LRRC4C: variants seen among roughly 807,000 people sequenced by gnomAD.
LRRC4C encodes the protein leucine rich repeat containing 4C.
LRRC4C carries 5 observed loss-of-function variants against 33.6 expected under a neutral mutation model. The observed-to-expected ratio is 0.15, with a 90% CI of 0.08 to 0.31. The LOEUF is 0.31. Among genes scored for constraint, LRRC4C ranks in the 10% least tolerant of loss-of-function variants. LRRC4C has a pLI of 1.00. For synonymous variants in LRRC4C, 329 were observed against 302.0 expected, an observed-to-expected ratio of 1.09 and a Z score of -0.93; for missense variants, 560 against 796.7, an observed-to-expected ratio of 0.70 and a Z score of 3.58.
chr11:41,251,266 C>A (rs781073447), intron 1 of LRRC4C, among the ~76,000 whole-genome samples: 1 of 152,172 alleles, frequency 6.6e-6, no homozygotes, highest in African/African-American at 2.4e-5. Flanking sequence ...CAAATAAGGA[C>A]ACAAACAAAA....
rs1388785234 is a variant in LRRC4C, at chr11:40,243,321, C to CTT, written c.-175-1725_-175-1724dup. ...CTTGGGCCCAACATAAGCTAAGGCG[C>CTT]TTTAAATGTCTATCACTGGCTAAGA... On this transcript the variant is annotated intron_variant, in intron 4 of 6. Coordinates refer to ENST00000528697, the MANE Select transcript of LRRC4C (RefSeq NM_001258419.2). 5.3e-5 allele frequency among the ~76,000 whole-genome samples: 8 copies of CTT among 152,274 alleles called. No individual in the cohort carries two copies. The East Asian group carries it at 1.5e-3, about 29-fold the overall frequency.
chr11:40,710,812 C>G (rs538851057), intron 2 of LRRC4C, among the ~76,000 whole-genome samples: 1 of 152,320 alleles, frequency 6.6e-6, no homozygotes, highest in South Asian at 2.1e-4. Context: ...GAGGTGGAGT[C>G]TACAGAGGCA....
At chr11:40,329,039 C>T (rs894731731) in intron 3 of LRRC4C, among the ~76,000 whole-genome samples, 1 of 152,146 alleles carries the variant, frequency 6.6e-6, no homozygotes, top group Non-Finnish European at 1.5e-5. Flanking sequence ...TGGGGGAAAA[C>T]TGAGACCTCT....
chr11:41,423,766 A>G (rs1333912149), intron 1 of LRRC4C: 1 of 152,078 alleles, frequency 6.6e-6, no homozygotes, highest in African/African-American at 2.4e-5. Context: ...CTTCTCCTTT[A>G]TGGAAATAAT....
intron 4 of LRRC4C, among the ~76,000 whole-genome samples, chr11:40,301,920 G>T (rs1302247374): frequency 6.6e-6 from 1 of 152,118 alleles, no homozygotes; most frequent in Admixed American, 6.6e-5. Context: ...AATCATTTAT[G>T]ATATTGACAC....
At chr11:40,592,399 G>T (rs1490415048) in intron 3 of LRRC4C, among the ~76,000 whole-genome samples, 1 of 152,126 alleles carries the variant, frequency 6.6e-6, no homozygotes, top group African/African-American at 2.4e-5. Context: ...AATAGGTCTG[G>T]GATGGGGCCT....
chr11:41,257,550 G>T (rs1353033897), intron 1 of LRRC4C, among the ~76,000 whole-genome samples: 1 of 152,016 alleles, frequency 6.6e-6, no homozygotes. Context: ...AGAACATAAA[G>T]ATAGAGAATT....
At chr11:41,276,513 T>C (rs948128487) in intron 1 of LRRC4C, among the ~76,000 whole-genome samples, 9 of 152,222 alleles carry the variant, frequency 5.9e-5, no homozygotes, top group African/African-American at 2.2e-4. Context: ...CTATAATTCC[T>C]TCTTGGCACA....
At chr11:40,238,731 G>C (rs1044194287) in intron 5 of LRRC4C, among the ~76,000 whole-genome samples, 1 of 152,062 alleles carries the variant, frequency 6.6e-6, no homozygotes, top group African/African-American at 2.4e-5. Context: ...AGTTAATATA[G>C]AAATAGATTT....
In LRRC4C at chr11:40,965,430, T is replaced by G. The variant is rs560156969; in HGVS notation, c.-495-31707A>C. On this transcript the variant is annotated intron_variant, in intron 1 of 6. Transcript: ENST00000528697. ...GCCATTGCTTTTGGTGTTTTAGACA[T>G]GAAGTCCTTGTCCATGCCTATGTCC... is the stretch of plus-strand genomic sequence containing the variant. 6.6e-3 allele frequency among the ~76,000 whole-genome samples: 1,011 copies of G among 152,290 alleles called. 15 individuals carry two copies. Among genetic ancestry groups the G allele is most frequent in the African/African-American group, 0.023 (966 of 41,580 alleles).
At chr11:41,078,588 C>A (rs1031143528) in intron 1 of LRRC4C, among the ~76,000 whole-genome samples, 1 of 152,068 alleles carries the variant, frequency 6.6e-6, no homozygotes, top group Admixed American at 6.6e-5. Flanking sequence ...GGTGCCACAT[C>A]TTTTCAGACA....
chr11:40,573,227 C>T (rs995650632), intron 3 of LRRC4C, among the ~76,000 whole-genome samples: 3 of 152,128 alleles, frequency 2.0e-5, no homozygotes, highest in African/African-American at 7.2e-5. Flanking sequence ...GGTGTTCTTC[C>T]TGCAGTCATG....
At chr11:40,331,492 C>T (rs572878326) in intron 3 of LRRC4C, among the ~76,000 whole-genome samples, 1 of 152,222 alleles carries the variant, frequency 6.6e-6, no homozygotes, top group South Asian at 2.1e-4. Flanking sequence ...GAATGAAATA[C>T]TGTCATTGAC....
At chr11:40,996,256 ATGTGC>A (rs1853967684) in intron 1 of LRRC4C, among the ~76,000 whole-genome samples, 1 of 152,138 alleles carries the variant, frequency 6.6e-6, no homozygotes, top group Admixed American at 6.6e-5. Context: ...TACTCTACAC[ATGTGC>A]TGACAATGGA....
chr11:40,891,668 A>G (rs968767899), intron 2 of LRRC4C, among the ~76,000 whole-genome samples: 2 of 152,238 alleles, frequency 1.3e-5, no homozygotes, highest in Non-Finnish European at 2.9e-5. Flanking sequence ...AACACCATTG[A>G]TCATCCGAGA....
At chr11:40,138,637 T>G (rs1269869566) in intron 6 of LRRC4C, among the ~76,000 whole-genome samples, 2 of 152,224 alleles carry the variant, frequency 1.3e-5, no homozygotes, top group Admixed American at 6.5e-5. Flanking sequence ...TCCTTCCACA[T>G]GCTATCTGGC....
At chr11:40,465,493 A>G (rs564903488) in intron 3 of LRRC4C, among the ~76,000 whole-genome samples, 1 of 152,092 alleles carries the variant, frequency 6.6e-6, no homozygotes, top group African/African-American at 2.4e-5. Context: ...TAAAAGACAT[A>G]ATCAACAGAG....
chr11:40,737,458 A>C (rs1947932145), intron 2 of LRRC4C, among the ~76,000 whole-genome samples: 1 of 152,192 alleles, frequency 6.6e-6, no homozygotes, highest in Non-Finnish European at 1.5e-5. Context: ...ATGATTGTAT[A>C]TTTAGAAAAC....
intron 3 of LRRC4C, among the ~76,000 whole-genome samples, chr11:40,513,245 T>C (rs1401541324): frequency 2.0e-5 from 2 of 97,752 alleles, no homozygotes; most frequent in African/African-American, 1.2e-4. Context: ...TGAGACTCCG[T>C]CTCAAAAAAA....
Sources: gnomAD v4.1 joint callset for allele counts (sites outside exome capture counted in the v4.1 genomes callset) on GRCh38, gnomAD v4.1.1 for gene constraint, MANE v1.5 for transcripts, NCBI Gene and HGNC (gene_info 2026-07-23, HGNC 2026-07-21) for gene names.